Variants in ANKFN1 observed in about 807,000 individuals in gnomAD.
ANKFN1 encodes ankyrin repeat and fibronectin type-III domain-containing protein 1.
ANKFN1 carries 74 observed loss-of-function variants against 108.7 expected under a neutral mutation model. The observed-to-expected ratio is 0.68, with a 90% CI of 0.56 to 0.83. The LOEUF is 0.83. Among genes scored for constraint, ANKFN1 ranks in the 40% least tolerant of loss-of-function variants. ANKFN1 has a pLI of 0.00. For missense variants in ANKFN1, 1,505 were observed against 1,382.3 expected (o/e 1.09, Z -1.41); for synonymous variants, 547 against 516.2 (o/e 1.06, Z -0.81).
At chr17:56,203,900 G>A (rs1043104226) in intron 1 of ANKFN1, among the ~76,000 whole-genome samples, 6 of 152,174 alleles carry the variant, frequency 3.9e-5, no homozygotes, top group Middle Eastern at 3.2e-3. Flanking sequence ...AAGGAAGCTC[G>A]TAGTGGGATA....
chr17:56,165,504 C>A (rs1910061017), intron 1 of ANKFN1, among the ~76,000 whole-genome samples: 1 of 152,190 alleles, frequency 6.6e-6, no homozygotes, highest in African/African-American at 2.4e-5. Context: ...ACATGTTCTA[C>A]ATACCCAAAT....
intron 3 of ANKFN1, among the ~76,000 whole-genome samples, chr17:56,286,783 C>G (rs2144281077): frequency 6.6e-6 from 1 of 152,262 alleles, no homozygotes; most frequent in Admixed American, 6.5e-5. Flanking sequence ...CCTTTACACT[C>G]CTTTTTGTAA....
At chr17:56,152,223 G>T (rs551233143), upstream of ANKFN1, among the ~76,000 whole-genome samples, 2 of 150,288 alleles carry the variant, frequency 1.3e-5, no homozygotes, top group East Asian at 3.9e-4. Context: ...AGTAATATAA[G>T]AAGCTCACCA....
At chr17:56,229,131 C>T (rs1399919063) in intron 3 of ANKFN1, among the ~76,000 whole-genome samples, 1 of 152,030 alleles carries the variant, frequency 6.6e-6, no homozygotes. Context: ...AGACATTCAC[C>T]CTCAAAACAT....
chr17:56,311,160 C>T (rs1294299159), intron 3 of ANKFN1, among the ~76,000 whole-genome samples: 9 of 146,018 alleles, frequency 6.2e-5, no homozygotes, highest in Non-Finnish European at 1.4e-4. Context: ...CTCTCTCTCT[C>T]GTGTGTTTGT....
At chr17:56,476,835 C>T (rs756786778) in intron 15 of ANKFN1, among the ~76,000 whole-genome samples, 17 of 152,178 alleles carry the variant, frequency 1.1e-4, no homozygotes, top group Admixed American at 2.0e-4. Flanking sequence ...AGCTATCATA[C>T]AATTTAATTT....
At chr17:56,443,054 C>T (rs2049165221) in intron 10 of ANKFN1, 121 bp downstream of exon 10, 31 of 868,154 alleles carry the variant, frequency 3.6e-5, no homozygotes, top group Middle Eastern at 2.6e-4. Flanking sequence ...CTTCTCAGGG[C>T]AGCATCTGGG....
intron 3 of ANKFN1, among the ~76,000 whole-genome samples, chr17:56,243,989 C>A: frequency 6.6e-6 from 1 of 151,984 alleles, no homozygotes; most frequent in Non-Finnish European, 1.5e-5. Flanking sequence ...TAGCCACAGA[C>A]CCTCAGGAAC....
At chr17:56,265,502 A>C (rs572270785) in intron 3 of ANKFN1, among the ~76,000 whole-genome samples, 3 of 152,208 alleles carry the variant, frequency 2.0e-5, no homozygotes, top group Non-Finnish European at 4.4e-5. Context: ...ATGGGGACAC[A>C]GAGCCAAACC....
chr17:56,307,806 T>G (rs1434331600), intron 3 of ANKFN1, among the ~76,000 whole-genome samples: 1 of 152,194 alleles, frequency 6.6e-6, no homozygotes, highest in Admixed American at 6.5e-5. Flanking sequence ...CTATTCACAA[T>G]AGCAAAGACT....
intron 3 of ANKFN1, among the ~76,000 whole-genome samples, chr17:56,314,895 A>AT (rs139113283): frequency 1.3e-5 from 2 of 152,130 alleles, no homozygotes; most frequent in East Asian, 1.9e-4. Flanking sequence ...AAGCAACATA[A>AT]TTTTTTTTAA....
chr17:56,352,470 C>A (rs1027427503), intron 5 of ANKFN1, among the ~76,000 whole-genome samples: 2 of 152,108 alleles, frequency 1.3e-5, no homozygotes, highest in Non-Finnish European at 2.9e-5. Flanking sequence ...TTTTAAAGAC[C>A]AAGCAACTCT....
rs2051063810 is a variant in ANKFN1 at position 56,492,266 on chromosome 17, C to T, written c.2340C>T (p.Asn780=). The stretch of plus-strand genomic sequence containing the variant: ...CTGTTGTGGAGCTGGATTCTCTGAA[C>T]ACCCAACAGTCCCTCAGGGAAGCAA... The part of the protein sequence containing the change: ...LSAVVELDSL[N]TQQSLREAIS... Residue 780 remains asparagine, a synonymous_variant, in exon 19 of 21, where the codon AAC becomes AAT. Coordinates refer to ENST00000682825, the MANE Select transcript of ANKFN1 (RefSeq NM_001370326.1). 5.7e-6 allele frequency: 4 copies of T among 702,612 alleles called. No homozygotes were observed. Among genetic ancestry groups the T allele is most frequent in the East Asian group, 5.4e-5 (2 of 37,266 alleles). 43.5% of individuals were successfully genotyped at this position (702,612 alleles called of 1,614,324 possible).
chr17:56,492,130 T>A (rs1021571715), intron 18 of ANKFN1, 57 bp from the exon 19 acceptor site: 5 of 673,418 alleles, frequency 7.4e-6, no homozygotes, highest in Non-Finnish European at 1.4e-5. Flanking sequence ...GAGGTATGAA[T>A]TTCTCTATTT....
At chr17:56,222,273 A>G (rs1915944977) in intron 2 of ANKFN1, among the ~76,000 whole-genome samples, 1 of 152,210 alleles carries the variant, frequency 6.6e-6, no homozygotes, top group South Asian at 2.1e-4. Flanking sequence ...CAGGCTGTTC[A>G]CCAGGAAAAT....
intron 3 of ANKFN1, among the ~76,000 whole-genome samples, chr17:56,317,033 T>G (rs1442601680): frequency 6.6e-6 from 1 of 152,216 alleles, no homozygotes; most frequent in Admixed American, 6.5e-5. Flanking sequence ...AGAGATCACA[T>G]ATATTGACTC....
At chr17:56,153,426 C>T (rs550951078), upstream of ANKFN1, 12 of 1,548,350 alleles carry the variant, frequency 7.8e-6, no homozygotes, top group East Asian at 2.0e-4. Flanking sequence ...CCCTTGGCAA[C>T]GGGACCGTGT....
intron 4 of ANKFN1, among the ~76,000 whole-genome samples, chr17:56,144,761 T>G (rs1306907495): frequency 6.6e-6 from 1 of 152,154 alleles, no homozygotes; most frequent in South Asian, 2.1e-4. Flanking sequence ...AAAAAGAAAT[T>G]GCAGATGGAC....
intron 4 of ANKFN1, among the ~76,000 whole-genome samples, chr17:56,107,158 A>C (rs566679240): frequency 6.6e-4 from 100 of 152,292 alleles, no homozygotes; most frequent in African/African-American, 2.3e-3. Flanking sequence ...GGGGCAGCTA[A>C]GTTGCTGAAA....
Sources: allele counts gnomAD v4.1 joint callset (sites outside exome capture counted in the v4.1 genomes callset), GRCh38; gene constraint gnomAD v4.1.1; transcripts MANE v1.5; gene names NCBI Gene and HGNC (gene_info 2026-07-23, HGNC 2026-07-21).